Variants in RAP1GAP observed in about 807,000 individuals in gnomAD.
The protein encoded by RAP1GAP is rap1 GTPase-activating protein 1.
In RAP1GAP, 35 loss-of-function variants were observed where a neutral mutation model predicts 87.2. That is an observed-to-expected ratio of 0.40 (90% CI 0.31 to 0.53). RAP1GAP has a LOEUF of 0.53. RAP1GAP is among the 20% of genes least tolerant of loss of function. The probability of loss-of-function intolerance (pLI) is 0.48; values close to 1 mark genes in which losing one functional copy is unlikely to be tolerated. For synonymous variants in RAP1GAP, 375 were observed against 363.9 expected (o/e 1.03, Z -0.35); for missense variants, 734 against 898.9 (o/e 0.82, Z 2.35).
intron 1 of RAP1GAP, among the ~76,000 whole-genome samples, chr1:21,667,011 G>A (rs1033853758): frequency 1.1e-4 from 16 of 152,224 alleles, no homozygotes; most frequent in Non-Finnish European, 1.8e-4. Context: ...GGGTGTGCCC[G>A]TGTGTTCCTG....
intron 3 of RAP1GAP, among the ~76,000 whole-genome samples, chr1:21,621,172 A>G (rs1426023620): frequency 1.3e-5 from 2 of 152,210 alleles, no homozygotes; most frequent in African/African-American, 4.8e-5. Flanking sequence ...CTGCACACAA[A>G]GCTATGGTAA....
chr1:21,599,800 C>T lies in RAP1GAP; in HGVS notation c.1653-183G>A, dbSNP rs563195996. 3.9e-5 allele frequency among the ~76,000 whole-genome samples: 6 copies of T among 152,292 alleles called. No individual in the cohort carries two copies. In the East Asian group the frequency reaches 7.7e-4, roughly 20 times the overall value. On this transcript the variant is annotated intron_variant, in intron 20 of 24. Transcript: ENST00000374765. ...ACTCCCCCTGCAGCCTCCTCCTACC[C>T]GCATTGTCCTTCCTAATCCATAAAT...
intron 3 of RAP1GAP, among the ~76,000 whole-genome samples, chr1:21,624,992 G>C (rs1042776133): frequency 6.6e-6 from 1 of 152,198 alleles, no homozygotes; most frequent in Non-Finnish European, 1.5e-5. Flanking sequence ...CATGAACCCA[G>C]CTGTCAAGTG....
At chr1:21,660,352 T>TATA (rs1248298305) in intron 1 of RAP1GAP, among the ~76,000 whole-genome samples, 4 of 85,950 alleles carry the variant, frequency 4.7e-5, no homozygotes, top group African/African-American at 6.6e-5. Context: ...TATATATTTA[T>TATA]TGAGACAGTC....
chr1:21,637,588 C>A (rs772641762), intron 2 of RAP1GAP, among the ~76,000 whole-genome samples: 13 of 152,130 alleles, frequency 8.5e-5, no homozygotes, highest in Non-Finnish European at 1.8e-4. Flanking sequence ...AGAAATATAA[C>A]ACCAATGCAT....
At chr1:21,632,798 G>A (rs746001233) in intron 2 of RAP1GAP, among the ~76,000 whole-genome samples, 12 of 152,208 alleles carry the variant, frequency 7.9e-5, no homozygotes, top group Non-Finnish European at 1.3e-4. Flanking sequence ...GCACTCAGGA[G>A]GCTGAGGTGG....
At chr1:21,655,070 G>T (rs2096804192) in intron 1 of RAP1GAP, among the ~76,000 whole-genome samples, 1 of 151,506 alleles carries the variant, frequency 6.6e-6, no homozygotes, top group Non-Finnish European at 1.5e-5. Flanking sequence ...AACCCAGGAG[G>T]TGGAGGTTGC....
intron 2 of RAP1GAP, among the ~76,000 whole-genome samples, chr1:21,636,959 A>C (rs1362526701): frequency 2.3e-5 from 2 of 86,388 alleles, no homozygotes; most frequent in South Asian, 4.4e-4. Flanking sequence ...GGAGGGAGGG[A>C]GGGAGGAAGG....
At position 21,613,883 on chromosome 1, in the gene RAP1GAP, C is replaced by T; in HGVS notation, c.395+103G>A. ...GTGCAACCTCAAGCAAATCCCTGCC[C>T]CTCTATGGGCCTTGATGAAGAGAGT... is the stretch of plus-strand genomic sequence containing the variant. On this transcript the variant is annotated intron_variant, in intron 8 of 24. Transcript: ENST00000374765. The surrounding 1 kb of genome is among the most constrained non-coding windows in gnomAD (Gnocchi z 4.7). 8.3e-7 allele frequency: 1 copy of T among 1,201,458 alleles called. No individual in the cohort carries two copies. Among genetic ancestry groups the T allele is most frequent in the East Asian group, 2.5e-5 (1 of 39,858 alleles). 74.4% of individuals were successfully genotyped at this position (1,201,458 alleles called of 1,614,324 possible). A position where few individuals can be genotyped will look rare whatever the true frequency, so the allele number is the denominator to read the frequency against.
intron 2 of RAP1GAP, among the ~76,000 whole-genome samples, chr1:21,641,544 T>A (rs1217180200): frequency 6.6e-6 from 1 of 152,176 alleles, no homozygotes; most frequent in Non-Finnish European, 1.5e-5. Flanking sequence ...GAGGATAACA[T>A]GCGTGAAGCA....
chr1:21,640,931 G>A (rs2095460888), intron 2 of RAP1GAP, among the ~76,000 whole-genome samples: 2 of 152,150 alleles, frequency 1.3e-5, no homozygotes, highest in Non-Finnish European at 2.9e-5. Flanking sequence ...TGTGTGGGAT[G>A]GAGCCTTGCT....
At chr1:21,600,475 T>TCTCC (rs2067225574) in intron 20 of RAP1GAP, among the ~76,000 whole-genome samples, 1 of 152,178 alleles carries the variant, frequency 6.6e-6, no homozygotes, top group Admixed American at 6.5e-5. Flanking sequence ...CACTGGCCTC[T>TCTCC]CTGCTTCCAT....
chr1:21,602,154 G>A (rs2069152466), intron 19 of RAP1GAP, among the ~76,000 whole-genome samples: 1 of 152,212 alleles, frequency 6.6e-6, no homozygotes, highest in Admixed American at 6.5e-5. Context: ...GCAGCAGCAA[G>A]GACAATGCCC....
chr1:21,613,243 T>C lies in RAP1GAP; in HGVS notation c.475-14A>G. 1 of 1,546,116 alleles carries C rather than the reference T, an allele frequency of 6.5e-7. No homozygotes were observed. Among genetic ancestry groups the C allele is most frequent in the Non-Finnish European group, 8.9e-7 (1 of 1,118,568 alleles). ...TTCACACACCAACTGCAGGAGGAGA[T>C]AAGGGAGGGGTGTGAGGTGTGGGGC... On this transcript the variant is annotated splice_polypyrimidine_tract_variant and intron_variant, in intron 9 of 24. Transcript: ENST00000374765. The surrounding 1 kb of genome is among the most constrained non-coding windows in gnomAD (Gnocchi z 4.7).
At chr1:21,620,191 G>A (rs1175999589) in intron 3 of RAP1GAP, 141 bp from the exon 4 acceptor site, 6 of 833,804 alleles carry the variant, frequency 7.2e-6, no homozygotes, top group Middle Eastern at 2.3e-4. Flanking sequence ...GGAGTGACGG[G>A]AGCATCGTGG....
intron 1 of RAP1GAP, among the ~76,000 whole-genome samples, chr1:21,660,675 A>G (rs535376314): frequency 2.6e-5 from 4 of 152,132 alleles, no homozygotes; most frequent in East Asian, 1.9e-4. Context: ...TTAGTTTCCA[A>G]TCTGGAAAAT....
rs1304558708 is a variant in RAP1GAP at position 21,620,039 on chromosome 1, T to C, written c.-7A>G. On this transcript the variant is annotated 5_prime_UTR_variant, in exon 4 of 25. Coordinates refer to ENST00000374765, the MANE Select transcript of RAP1GAP (RefSeq NM_002885.4). The stretch of plus-strand genomic sequence containing the variant: ...CCTGCATCTTCTCAATCATCTCAAA[T>C]AGATCTGTGTTCTGCAACAGAGACA... The C allele has an allele frequency of 6.2e-6, 10 of 1,613,848 alleles. No homozygotes were observed. The highest frequency in any genetic ancestry group is 3.3e-5 in the South Asian group (3 of 91,076).
intron 1 of RAP1GAP, among the ~76,000 whole-genome samples, chr1:21,658,165 T>C (rs1477977891): frequency 6.6e-6 from 1 of 152,204 alleles, no homozygotes; most frequent in Non-Finnish European, 1.5e-5. Context: ...GGTTTACAAA[T>C]GAATATTTTT....
chr1:21,655,742 G>A, intron 1 of RAP1GAP, among the ~76,000 whole-genome samples: 1 of 152,262 alleles, frequency 6.6e-6, no homozygotes, highest in Non-Finnish European at 1.5e-5. Context: ...AGACTGTAGA[G>A]GAAGAGAGAA....
Sources: allele counts gnomAD v4.1 joint callset (sites outside exome capture counted in the v4.1 genomes callset), GRCh38; gene constraint gnomAD v4.1.1; non-coding constraint Gnocchi (gnomAD v3.1); transcripts MANE v1.5; gene names NCBI Gene and HGNC (gene_info 2026-07-23, HGNC 2026-07-21).